RFX4: variants seen among roughly 807,000 people sequenced by gnomAD.
The protein encoded by RFX4 is regulatory factor X4.
A neutral mutation model predicts 95.0 loss-of-function variants in RFX4; 10 were observed. That is an observed-to-expected ratio of 0.11 (90% CI 0.06 to 0.18). The LOEUF (loss-of-function observed/expected upper bound fraction) is 0.18, where lower values mean the gene tolerates loss of function less well. Ranked by LOEUF, RFX4 falls within the 10% of genes least tolerant of loss-of-function variation. The pLI, the probability that RFX4 is intolerant of heterozygous loss-of-function variation, is 1.00. For synonymous variants in RFX4, 321 were observed against 340.7 expected, an observed-to-expected ratio of 0.94 and a Z score of 0.64; for missense variants, 640 against 922.0, an observed-to-expected ratio of 0.69 and a Z score of 3.96.
chr12:106,725,738 G>A (rs2042482484), intron 13 of RFX4, among the ~76,000 whole-genome samples: 1 of 151,920 alleles, frequency 6.6e-6, no homozygotes. Context: ...GAATTGAGAA[G>A]ATAAAAGAAG....
intron 17 of RFX4, among the ~76,000 whole-genome samples, chr12:106,760,554 A>G (rs993873036): frequency 2.0e-5 from 3 of 152,070 alleles, no homozygotes; most frequent in Admixed American, 6.5e-5. Context: ...CTATTCATGT[A>G]TCTTCCAGGA....
chr12:106,669,473 A>G (rs760414235), intron 4 of RFX4, among the ~76,000 whole-genome samples: 3 of 152,174 alleles, frequency 2.0e-5, no homozygotes, highest in Non-Finnish European at 4.4e-5. Context: ...GAAAAAAGCC[A>G]AGTGTGTTCT....
At chr12:106,687,732 AT>A in intron 6 of RFX4, among the ~76,000 whole-genome samples, 3 of 152,206 alleles carry the variant, frequency 2.0e-5, no homozygotes, top group Admixed American at 2.0e-4. Context: ...ATCCAAAACT[AT>A]TCTAAAATAA....
chr12:106,645,786 C>A, intron 3 of RFX4: 1 of 644,336 alleles, frequency 1.6e-6, no homozygotes, highest in Non-Finnish European at 2.4e-6. Flanking sequence ...TCAACAGTGA[C>A]AGAACATTGC....
intron 11 of RFX4, 135 bp downstream of exon 11, chr12:106,715,679 C>T: frequency 9.8e-7 from 1 of 1,017,230 alleles, no homozygotes; most frequent in East Asian, 2.5e-5. Flanking sequence ...CCTTATTGTT[C>T]CTTTTAAATG....
In RFX4 at chr12:106,721,003, G is replaced by A. The variant is rs535291041; in HGVS notation, c.1351+127G>A. The A allele has an allele frequency of 1.5e-4, 113 of 762,318 alleles. 1 individual carries two copies. In the African/African-American group the frequency reaches 1.7e-3, roughly 12 times the overall value. 47.2% of individuals were successfully genotyped at this position (762,318 alleles called of 1,614,324 possible). On this transcript the variant is annotated intron_variant, in intron 13 of 17. Transcript: ENST00000392842. ...TCACCCTGAAACACATCTCTTCTGG[G>A]GAGACATGACATTGTTAGGACTTTC...
chr12:106,633,716 T>TA (rs1260147288), intron 2 of RFX4, among the ~76,000 whole-genome samples: 1 of 152,200 alleles, frequency 6.6e-6, no homozygotes, highest in Non-Finnish European at 1.5e-5. Context: ...TATTCACTGA[T>TA]ACTCAGAAAT....
chr12:106,732,932 C>G lies in RFX4; in HGVS notation c.1480C>G (p.Arg494Gly), dbSNP rs1166988978. ...CCTATCTCTATCCACAGCAGAAGTCCGAGAAGAGATCATCTTGACAGAGGC... is the reference window on the plus strand; with the variant it reads ...CCTATCTCTATCCACAGCAGAAGTCGGAGAAGAGATCATCTTGACAGAGGC... ...MKGEGSTAEV[R>G]EEIILTEAAA... The change falls in exon 15 of 18, where the codon CGA becomes GGA. Residue 494 changes from arginine (R) to glycine (G), a missense_variant. Around this residue, in one of 7 missense-constraint regions of RFX4, gnomAD observed 300 missense variants for 346.8 expected, o/e 0.87. Transcript: ENST00000392842. The G allele has an allele frequency of 6.2e-7, 1 of 1,613,700 alleles. No homozygotes were observed. Among genetic ancestry groups the G allele is most frequent in the African/African-American group, 1.3e-5 (1 of 74,850 alleles).
At chr12:106,621,839 G>A (rs189004862) in intron 2 of RFX4, among the ~76,000 whole-genome samples, 8 of 152,240 alleles carry the variant, frequency 5.3e-5, no homozygotes, top group Admixed American at 1.3e-4. Flanking sequence ...TTGGTGTTTC[G>A]GGAAAACGCC....
At chr12:106,699,012 T>C (rs1454022881) in intron 8 of RFX4, among the ~76,000 whole-genome samples, 1 of 152,098 alleles carries the variant, frequency 6.6e-6, no homozygotes, top group Non-Finnish European at 1.5e-5. Context: ...TCATTGATTA[T>C]AAATCTTTCT....
intron 8 of RFX4, among the ~76,000 whole-genome samples, chr12:106,697,598 G>T (rs946709203): frequency 6.6e-6 from 1 of 151,998 alleles, no homozygotes; most frequent in African/African-American, 2.4e-5. Flanking sequence ...TGGCAGGGTT[G>T]GTTCCTTACT....
chr12:106,601,100 C>T, intron 1 of RFX4: 1 of 1,403,374 alleles, frequency 7.1e-7, no homozygotes, highest in Non-Finnish European at 9.3e-7. Flanking sequence ...AGGGCCCCTT[C>T]CTGGAACCCA....
rs751496601 is a variant in RFX4 at position 106,747,562 on chromosome 12, C to T, written c.1759C>T (p.His587Tyr). Residue 587 changes from histidine to tyrosine, a missense_variant, in exon 16 of 18, where the codon CAC becomes TAC. Physicochemically the swap from His to Tyr is moderately conservative, Grantham distance 83 (BLOSUM62 2). Coordinates refer to ENST00000392842, the MANE Select transcript of RFX4 (RefSeq NM_213594.3). ...TCATGTGCCTTCTTCCTCCGTCACA[C>T]ACAGGATACCAGTTTATCCCCACAG... ...NTHVPSSSVTHRIPVYPHREE... is the reference protein window; with the variant it reads ...NTHVPSSSVTYRIPVYPHREE... The T allele has an allele frequency of 1.2e-5, 19 of 1,614,082 alleles. No homozygotes were observed. The South Asian group carries it at 2.1e-4, about 18-fold the overall frequency.
Position 106,623,425 on chromosome 12 carries a change from A to G in RFX4, c.130+14542A>G, listed in dbSNP as rs138940869. On this transcript the variant is annotated intron_variant, in intron 2 of 17. Coordinates refer to ENST00000392842, the MANE Select transcript of RFX4 (RefSeq NM_213594.3). ...GCCACTGGAGATTTCATAATTTGCC[A>G]GTAGGAACACCAAGAGTAGAGCTCA... 1.3e-4 allele frequency among the ~76,000 whole-genome samples: 20 copies of G among 152,268 alleles called. 1 individual carries two copies. In the East Asian group the frequency reaches 3.9e-3, roughly 29 times the overall value.
At chr12:106,757,328 G>A (rs201293699) in intron 17 of RFX4, among the ~76,000 whole-genome samples, 1 of 152,062 alleles carries the variant, frequency 6.6e-6, no homozygotes, top group Non-Finnish European at 1.5e-5. Flanking sequence ...TGGGATGACC[G>A]TTTGAGCCCA....
At chr12:106,684,692 CCA>C (rs1375528275) in intron 5 of RFX4, 2 of 1,473,940 alleles carry the variant, frequency 1.4e-6, no homozygotes, top group African/African-American at 1.4e-5. Flanking sequence ...CCTCCCCCAC[CCA>C]CAGAGTGAGT....
intron 17 of RFX4, among the ~76,000 whole-genome samples, chr12:106,755,814 A>G (rs913076625): frequency 6.6e-5 from 10 of 152,242 alleles, no homozygotes; most frequent in African/African-American, 2.2e-4. Context: ...ATTGGAAGAC[A>G]AATTCCAAGT....
At chr12:106,597,710 C>T (rs550354064) in intron 1 of RFX4, among the ~76,000 whole-genome samples, 15 of 152,042 alleles carry the variant, frequency 9.9e-5, no homozygotes, top group Non-Finnish European at 1.8e-4. Flanking sequence ...AAAACAATAA[C>T]ATGGCCAGGT....
At chr12:106,731,414 G>C (rs1012707621) in intron 13 of RFX4, among the ~76,000 whole-genome samples, 18 of 152,126 alleles carry the variant, frequency 1.2e-4, no homozygotes, top group African/African-American at 4.3e-4. Flanking sequence ...GAGAAGATAA[G>C]ACTTTGAGCA....
Sources: allele counts gnomAD v4.1 joint callset (sites outside exome capture counted in the v4.1 genomes callset), GRCh38; gene constraint gnomAD v4.1.1; regional missense constraint gnomAD v4.1.1; transcripts MANE v1.5; gene names NCBI Gene and HGNC (gene_info 2026-07-23, HGNC 2026-07-21).